Variants in GALNT18 observed in about 807,000 individuals in gnomAD.
GALNT18 encodes GalNAc-transferase 18.
A neutral mutation model predicts 69.5 loss-of-function variants in GALNT18; 44 were observed. The observed-to-expected ratio is 0.63, with a 90% confidence interval of 0.50 to 0.81. The LOEUF (loss-of-function observed/expected upper bound fraction) is 0.81, where lower values mean the gene tolerates loss of function less well. Ranked by LOEUF, GALNT18 falls within the 40% of genes least tolerant of loss-of-function variation. The pLI is 0.00. For synonymous variants in GALNT18, 364 were observed against 318.2 expected (o/e 1.14, Z -1.53); for missense variants, 715 against 810.0 (o/e 0.88, Z 1.42).
intron 2 of GALNT18, among the ~76,000 whole-genome samples, chr11:11,442,168 C>T (rs1249208106): frequency 2.6e-5 from 4 of 152,162 alleles, no homozygotes; most frequent in Non-Finnish European, 4.4e-5. Flanking sequence ...CGTTCCTTCC[C>T]TCATAACTGT....
Position 11,621,358 on chromosome 11 carries a change from C to G in GALNT18, c.235+1G>C. 1 of 1,613,178 alleles carries G rather than the reference C, an allele frequency of 6.2e-7. No homozygotes were observed. Among genetic ancestry groups the G allele is most frequent in the Non-Finnish European group, 8.5e-7 (1 of 1,179,430 alleles). On this transcript the variant is annotated splice_donor_variant, in intron 1 of 10. Coordinates refer to ENST00000227756, the MANE Select transcript of GALNT18 (RefSeq NM_198516.3). LOFTEE classifies it high-confidence loss of function. This position sits in a 1 kb window ranked among gnomAD's most constrained non-coding sequence, Gnocchi z 9.3. The stretch of plus-strand genomic sequence containing the variant: ...GACCCAAGTTTCCGGGGCGCCCGTA[C>G]CTTGAATGTGCTGCTTGATGACATT...
Position 11,437,903 on chromosome 11 carries a change from A to C in GALNT18, c.429-5116T>G, listed in dbSNP as rs577069943. Among the ~76,000 whole-genome samples, 42 of 152,150 alleles carry C rather than the reference A, an allele frequency of 2.8e-4. No homozygotes were observed. In the South Asian group the frequency reaches 8.1e-3, roughly 29 times the overall value. ...GAGTGGAGGTGGGGCCCACCTGACA[A>C]AGCAAGTGAGACGGTGGCACTCCAG... On this transcript the variant is annotated intron_variant, in intron 2 of 10. Coordinates refer to ENST00000227756, the MANE Select transcript of GALNT18 (RefSeq NM_198516.3).
Position 11,463,413 on chromosome 11 carries a change from TA to T in GALNT18, c.236-14478del, listed in dbSNP as rs1262259840. Among the ~76,000 whole-genome samples the T allele has an allele frequency of 6.6e-6, 1 of 152,226 alleles. No individual in the cohort carries two copies. Among genetic ancestry groups the T allele is most frequent in the Non-Finnish European group, 1.5e-5 (1 of 68,034 alleles). The stretch of plus-strand genomic sequence containing the variant: ...TGAGAAGAAATATTATTCAGTTAAC[TA>T]GCCCACATCTGATTCTTTAAATGTA... On this transcript the variant is annotated intron_variant, in intron 1 of 10. Transcript: ENST00000227756. The surrounding 1 kb of genome is among the most constrained non-coding windows in gnomAD (Gnocchi z 4.2).
At chr11:11,283,817 A>G (rs1311151756) in intron 10 of GALNT18, among the ~76,000 whole-genome samples, 2 of 152,216 alleles carry the variant, frequency 1.3e-5, no homozygotes, top group Non-Finnish European at 1.5e-5. Flanking sequence ...CGTAGCACAC[A>G]GAGAACTTAA....
Position 11,379,084 on chromosome 11 carries a change from C to A in GALNT18, c.776G>T (p.Gly259Val). Reference sequence around the variant, plus strand: ...TCCTCTCCCAAGGGGCACTTACCAGCCCACATTGAACTCCACGTGGGCATC... The same window carrying A: ...TCCTCTCCCAAGGGGCACTTACCAGACCACATTGAACTCCACGTGGGCATC... ...LFDAHVEFNV[G>V]WAEPVLTRIK... Residue 259 changes from glycine to valine, a missense_variant, in exon 4 of 11, where the codon GGC becomes GTC. By Grantham distance (109) the Gly-to-Val change is moderately radical. Transcript: ENST00000227756. 6.3e-7 allele frequency: 1 copy of A among 1,597,388 alleles called. No individual in the cohort carries two copies. Among genetic ancestry groups the A allele is most frequent in the Non-Finnish European group, 8.5e-7 (1 of 1,175,194 alleles).
intron 9 of GALNT18, among the ~76,000 whole-genome samples, chr11:11,302,375 G>A (rs1249689840): frequency 6.6e-6 from 1 of 152,144 alleles, no homozygotes; most frequent in African/African-American, 2.4e-5. Context: ...GTGTCTCTAG[G>A]GACCAGGGCT....
In GALNT18 at chr11:11,591,389, C is replaced by G. The variant is rs1490467016; in HGVS notation, c.235+29970G>C. Among the ~76,000 whole-genome samples the G allele has an allele frequency of 1.3e-5, 2 of 152,154 alleles. No homozygotes were observed. Among genetic ancestry groups the G allele is most frequent in the African/African-American group, 4.8e-5 (2 of 41,422 alleles). ...GACTGTATAGATAAAGCATCTAACA[C>G]GGTCCTTGGCTCATGGTTGACTTTA... On this transcript the variant is annotated intron_variant, in intron 1 of 10. Transcript: ENST00000227756. This position sits in a 1 kb window ranked among gnomAD's most constrained non-coding sequence, Gnocchi z 4.8.
chr11:11,440,700 T>C (rs1855515689), intron 2 of GALNT18, among the ~76,000 whole-genome samples: 1 of 152,244 alleles, frequency 6.6e-6, no homozygotes, highest in South Asian at 2.1e-4. Context: ...CTTGTCCACA[T>C]AGCAGTCCTT....
rs1275556888 is a variant in GALNT18 at position 11,496,322 on chromosome 11, A to G, written c.236-47386T>C. 6.6e-6 allele frequency among the ~76,000 whole-genome samples: 1 copy of G among 152,140 alleles called. No homozygotes were observed. The highest frequency in any genetic ancestry group is 1.9e-4 in the East Asian group (1 of 5,176). On this transcript the variant is annotated intron_variant, in intron 1 of 10. Transcript: ENST00000227756. This position sits in a 1 kb window ranked among gnomAD's most constrained non-coding sequence, Gnocchi z 4.0. The stretch of plus-strand genomic sequence containing the variant: ...ACCTATCACCAAAAACCCTAGCATC[A>G]GCAACACTCCACATGCTGCCATACT...
At chr11:11,290,141 T>C (rs1341395770) in intron 10 of GALNT18, among the ~76,000 whole-genome samples, 1 of 152,100 alleles carries the variant, frequency 6.6e-6, no homozygotes, top group Non-Finnish European at 1.5e-5. Context: ...TGGTGATGCC[T>C]GTCAACATTT....
Position 11,415,994 on chromosome 11 carries a change from T to C in GALNT18, c.595+16627A>G, listed in dbSNP as rs1854849276. On this transcript the variant is annotated intron_variant, in intron 3 of 10. Coordinates refer to ENST00000227756, the MANE Select transcript of GALNT18 (RefSeq NM_198516.3). The surrounding 1 kb of genome is among the most constrained non-coding windows in gnomAD (Gnocchi z 4.1). ...AGAAAATAAAATCACTTCAGCCTCA[T>C]GCTTGAGCAGCCCTGGTCAGGAACA... Among the ~76,000 whole-genome samples the C allele has an allele frequency of 1.3e-5, 2 of 152,250 alleles. No individual in the cohort carries two copies. Among genetic ancestry groups the C allele is most frequent in the South Asian group, 4.1e-4 (2 of 4,830 alleles).
chr11:11,327,029 C>T (rs1339993145), intron 9 of GALNT18, 57 bp downstream of exon 9: 6 of 1,262,588 alleles, frequency 4.8e-6, no homozygotes, highest in African/African-American at 1.5e-5. Context: ...GCTCTCCTTC[C>T]CCATGCCAGG....
At chr11:11,559,305 T>C (rs1050609234) in intron 1 of GALNT18, among the ~76,000 whole-genome samples, 4 of 152,122 alleles carry the variant, frequency 2.6e-5, no homozygotes, top group Non-Finnish European at 5.9e-5. Context: ...CCCAGGTAAA[T>C]ATGTGGGAGT....
At chr11:11,449,334 A>C (rs568532916) in intron 1 of GALNT18, among the ~76,000 whole-genome samples, 67 of 152,068 alleles carry the variant, frequency 4.4e-4, no homozygotes, top group Non-Finnish European at 7.2e-4. Flanking sequence ...TGCAATTCCC[A>C]AGCCCACCCC....
intron 6 of GALNT18, among the ~76,000 whole-genome samples, chr11:11,342,690 G>A (rs61872416): frequency 6.6e-6 from 1 of 152,206 alleles, no homozygotes; most frequent in African/African-American, 2.4e-5. Context: ...GCCAGGCACT[G>A]GACTGTACAT....
chr11:11,427,489 C>G (rs1008489325), intron 3 of GALNT18, among the ~76,000 whole-genome samples: 2 of 152,314 alleles, frequency 1.3e-5, no homozygotes, highest in South Asian at 4.1e-4. Context: ...GACATTCCGA[C>G]GGCTCTGCTC....
chr11:11,482,643 G>A (rs1203865778), intron 1 of GALNT18, among the ~76,000 whole-genome samples: 5 of 152,174 alleles, frequency 3.3e-5, no homozygotes, highest in Non-Finnish European at 5.9e-5. Context: ...GCCCTGTGCC[G>A]GTGGGAAATC....
intron 10 of GALNT18, among the ~76,000 whole-genome samples, chr11:11,274,849 T>G (rs1370694431): frequency 6.6e-6 from 1 of 152,238 alleles, no homozygotes; most frequent in Non-Finnish European, 1.5e-5. Flanking sequence ...CTGAGGATGA[T>G]GGTTTCCAGC....
rs770119258 is a variant in GALNT18, at chr11:11,465,928, G to A, written c.236-16992C>T. Among the ~76,000 whole-genome samples, 1 of 152,206 alleles carries A rather than the reference G, an allele frequency of 6.6e-6. No individual in the cohort carries two copies. The highest frequency in any genetic ancestry group is 1.5e-5 in the Non-Finnish European group (1 of 68,040). ...CTCTGCTCAACATAGGGGGTAGGAA[G>A]GTCTCCCAGATGTGGATGTGAGCCA... On this transcript the variant is annotated intron_variant, in intron 1 of 10. Transcript: ENST00000227756. The surrounding 1 kb of genome is among the most constrained non-coding windows in gnomAD (Gnocchi z 5.7).
Sources: allele counts gnomAD v4.1 joint callset (sites outside exome capture counted in the v4.1 genomes callset), GRCh38; gene constraint gnomAD v4.1.1; non-coding constraint Gnocchi (gnomAD v3.1); transcripts MANE v1.5; gene names NCBI Gene and HGNC (gene_info 2026-07-23, HGNC 2026-07-21).